MATN3: variants seen among roughly 807,000 people sequenced by gnomAD.
The protein encoded by MATN3 is matrilin-3.
In MATN3, 48 loss-of-function variants were observed where a neutral mutation model predicts 45.3. The ratio of observed to expected loss-of-function variants is 1.06; its 90% CI spans 0.84 to 1.35. The LOEUF (loss-of-function observed/expected upper bound fraction) is 1.35, where lower values mean the gene tolerates loss of function less well. Ranked by LOEUF, MATN3 falls within the 40% of genes most tolerant of loss-of-function variation. MATN3 has a pLI of 0.00. For missense variants in MATN3, 599 were observed against 628.0 expected (o/e 0.95, Z 0.49); for synonymous variants, 217 against 245.9 (o/e 0.88, Z 1.10).
intron 5 of MATN3, chr2:19,997,770 GCA>G (rs10678920): frequency 1.5e-4 from 22 of 149,450 alleles, no homozygotes; most frequent in South Asian, 2.1e-4. Flanking sequence ...GGAGACACAT[GCA>G]CACACACACA....
At chr2:19,994,254 T>G (rs1485404390) in intron 7 of MATN3, 45 bp downstream of exon 7, 1 of 1,273,166 alleles carries the variant, frequency 7.9e-7, no homozygotes, top group African/African-American at 1.5e-5. Flanking sequence ...TCGTAGTACC[T>G]TGGTTGGCTC....
At chr2:20,003,060 G>A in intron 3 of MATN3, 101 bp downstream of exon 3, 2 of 1,412,726 alleles carry the variant, frequency 1.4e-6, no homozygotes, top group Non-Finnish European at 9.7e-7. Context: ...AGGCAGTTAG[G>A]TAAAAAGGGG....
Position 20,004,995 on chromosome 2 carries a change from AG to A in MATN3, c.790+748del, listed in dbSNP as rs531471742. On this transcript the variant is annotated intron_variant, in intron 2 of 7. Coordinates refer to ENST00000407540, the MANE Select transcript of MATN3 (RefSeq NM_002381.5). ...AAACTCCAGCATTGAATGGATCTGT[AG>A]TCCTAGATTTGGTCAATTCATGCTA... 1.6e-4 allele frequency among the ~76,000 whole-genome samples: 24 copies of A among 152,362 alleles called. No homozygotes were observed. The East Asian group carries it at 4.6e-3, about 29-fold the overall frequency.
chr2:20,010,295 CTA>C (rs2103486138), intron 1 of MATN3, among the ~76,000 whole-genome samples: 1 of 152,232 alleles, frequency 6.6e-6, no homozygotes, highest in Non-Finnish European at 1.5e-5. Context: ...AATATCATGG[CTA>C]TGTTCTTATA....
rs1247037129 is a variant in MATN3 at position 20,005,224 on chromosome 2, C to T, written c.790+520G>A. Among the ~76,000 whole-genome samples, 6 of 152,160 alleles carry T rather than the reference C, an allele frequency of 3.9e-5. No individual in the cohort carries two copies. The East Asian group carries it at 1.2e-3, about 29-fold the overall frequency. On this transcript the variant is annotated intron_variant, in intron 2 of 7. Transcript: ENST00000407540. ...CCCAGTCTGAAAACCAGAGCATTCACTAAATGCACACTCGGGCTGACGGTG... is the reference window on the plus strand; with the variant it reads ...CCCAGTCTGAAAACCAGAGCATTCATTAAATGCACACTCGGGCTGACGGTG...
chr2:20,001,950 C>T lies in MATN3; in HGVS notation c.1042+5G>A, dbSNP rs778811287. The T allele has an allele frequency of 3.7e-5, 60 of 1,612,678 alleles. No homozygotes were observed. The highest frequency in any genetic ancestry group is 5.0e-5 in the Non-Finnish European group (59 of 1,179,280). On this transcript the variant is annotated splice_donor_5th_base_variant and intron_variant, in intron 4 of 7. Transcript: ENST00000407540. ...AGCAATAGTAAAGACTCCTCCCTCA[C>T]TTACCTGAACAAGTTTTCCTGTCTT...
chr2:19,993,181 A>G lies in MATN3; in HGVS notation c.1406-15T>C, dbSNP rs1181478456. 1.9e-6 allele frequency: 3 copies of G among 1,587,966 alleles called. No homozygotes were observed. Among genetic ancestry groups the G allele is most frequent in the Non-Finnish European group, 2.6e-6 (3 of 1,157,042 alleles). ...AATGTCATCAAGTGGCAAGTTGTTA[A>G]GGCCAACACCATTTATTTTTACACA... On this transcript the variant is annotated splice_polypyrimidine_tract_variant and intron_variant, in intron 7 of 7. Coordinates refer to ENST00000407540, the MANE Select transcript of MATN3 (RefSeq NM_002381.5).
Position 19,997,249 on chromosome 2 carries a change from C to T in MATN3, c.1179G>A (p.Lys393=). The change falls in exon 6 of 8, where the codon AAG becomes AAA. Residue 393 remains lysine, a synonymous_variant. Coordinates refer to ENST00000407540, the MANE Select transcript of MATN3 (RefSeq NM_002381.5). ...GGCAACCATGAGAGCCTAGGGCACA[C>T]TTGTCACGGACTGACCGCACGTGGT... The part of the protein sequence containing the change: ...ADKKTCSVRD[K]CALGSHGCQH... 1 of 1,612,408 alleles carries T rather than the reference C, an allele frequency of 6.2e-7. No individual in the cohort carries two copies. The highest frequency in any genetic ancestry group is 8.5e-7 in the Non-Finnish European group (1 of 1,179,318).
At chr2:19,998,440 G>T (rs1488432016) in intron 5 of MATN3, among the ~76,000 whole-genome samples, 4 of 152,120 alleles carry the variant, frequency 2.6e-5, no homozygotes, top group Non-Finnish European at 5.9e-5. Flanking sequence ...CAGCTTTATA[G>T]CAGTATTCAC....
intron 4 of MATN3, among the ~76,000 whole-genome samples, chr2:20,000,901 T>C (rs368924412): frequency 2.6e-5 from 4 of 152,306 alleles, no homozygotes; most frequent in African/African-American, 9.6e-5. Flanking sequence ...GTGTGGCTAA[T>C]TACATTAGAT....
At position 20,002,161 on chromosome 2, in the gene MATN3, T is replaced by TACACACACAC. The variant is rs35083474; in HGVS notation, c.917-91_917-82dup. 0.013 allele frequency: 8,397 copies of TACACACACAC among 646,380 alleles called. 107 individuals carry two copies. The highest frequency in any genetic ancestry group is 0.056 in the African/African-American group (2,635 of 46,958). The allele number at this position is 646,380 out of a possible 1,614,324, so 40.0% of individuals were successfully genotyped here. A position where few individuals can be genotyped will look rare whatever the true frequency, so the allele number is the denominator to read the frequency against. Reference sequence around the variant, plus strand: ...TTGTGGGCCACGCCACTTACAGTTATACACACACACACACACACACACACA... The same window carrying TACACACACAC: ...TTGTGGGCCACGCCACTTACAGTTATACACACACACACACACACACACACACACACACACA... On this transcript the variant is annotated intron_variant, in intron 3 of 7. Transcript: ENST00000407540.
intron 1 of MATN3, among the ~76,000 whole-genome samples, chr2:20,011,226 T>A (rs1673213552): frequency 6.6e-6 from 1 of 152,256 alleles, no homozygotes; most frequent in African/African-American, 2.4e-5. Context: ...CACCTGGTGC[T>A]GAATCTCTCC....
At chr2:20,010,066 C>CCAAAAAAAAAAAAAAAAA (rs1558376342) in intron 1 of MATN3, among the ~76,000 whole-genome samples, 1 of 5,564 alleles carries the variant, frequency 1.8e-4, no homozygotes, top group Non-Finnish European at 2.5e-4. Flanking sequence ...TCTTCAAATA[C>CCAAAAAAAAAAAAAAAAA]TAAAAAAAAA....
chr2:20,010,754 G>A (rs1414726514), intron 1 of MATN3, among the ~76,000 whole-genome samples: 1 of 152,120 alleles, frequency 6.6e-6, no homozygotes, highest in African/African-American at 2.4e-5. Flanking sequence ...GTGAGACCAG[G>A]GTCAGACTTC....
rs994488916 is a variant in MATN3 at position 20,003,201 on chromosome 2, G to C, written c.876C>G (p.Ser292Arg). ...TGTCGGCATTCAAGGTGTATCCTTG[G>C]CTACACTCACAGTGGTGCTTGCCTT... ...DGEGKHHCEC[S>R]QGYTLNADKK... The change falls in exon 3 of 8, where the codon AGC (serine) becomes AGG (arginine). Residue 292 changes from serine to arginine, a missense_variant. By Grantham distance (110) the Ser-to-Arg change is moderately radical. Coordinates refer to ENST00000407540, the MANE Select transcript of MATN3 (RefSeq NM_002381.5). The C allele has an allele frequency of 6.2e-7, 1 of 1,613,852 alleles. No homozygotes were observed. Among genetic ancestry groups the C allele is most frequent in the African/African-American group, 1.3e-5 (1 of 74,912 alleles).
At chr2:20,002,748 C>T (rs1240219067) in intron 3 of MATN3, among the ~76,000 whole-genome samples, 5 of 151,698 alleles carry the variant, frequency 3.3e-5, no homozygotes, top group African/African-American at 1.2e-4. Context: ...TACAGGCATG[C>T]ACCACCACAC....
intron 1 of MATN3, among the ~76,000 whole-genome samples, chr2:20,009,565 G>A (rs970689210): frequency 1.3e-5 from 2 of 152,142 alleles, no homozygotes; most frequent in Admixed American, 6.5e-5. Context: ...GTTGATGGGT[G>A]CAGCAAACCA....
chr2:20,005,839 A>G lies in MATN3; in HGVS notation c.695T>C (p.Met232Thr). ...VDRADMASLKMMASEPLEEHV... is the reference protein window; with the variant it reads ...VDRADMASLKTMASEPLEEHV... Reference sequence around the variant, plus strand: ...CTCCTCTAGGGGCTCACTGGCCATCATCTTGAGGGACGCCATGTCTGCCCG... The same window carrying G: ...CTCCTCTAGGGGCTCACTGGCCATCGTCTTGAGGGACGCCATGTCTGCCCG... The change falls in exon 2 of 8, where the codon ATG (methionine) becomes ACG (threonine). Residue 232 changes from methionine (M) to threonine (T), a missense_variant. By Grantham distance (81) the Met-to-Thr change is moderately conservative. Coordinates refer to ENST00000407540, the MANE Select transcript of MATN3 (RefSeq NM_002381.5). 1.9e-6 allele frequency: 3 copies of G among 1,610,798 alleles called. No individual in the cohort carries two copies. Among genetic ancestry groups the G allele is most frequent in the Middle Eastern group, 3.3e-4 (2 of 6,056 alleles).
Position 19,997,273 on chromosome 2 carries a change from G to T in MATN3, c.1169-14C>A. 6.3e-7 allele frequency: 1 copy of T among 1,582,756 alleles called. No individual in the cohort carries two copies. Among genetic ancestry groups the T allele is most frequent in the Non-Finnish European group, 8.6e-7 (1 of 1,168,486 alleles). ...ACTTGTCACGGACTGACCGCACGTG[G>T]TGCAGGAAAGAAAATATTCACACAT... On this transcript the variant is annotated splice_polypyrimidine_tract_variant and intron_variant, in intron 5 of 7. Coordinates refer to ENST00000407540, the MANE Select transcript of MATN3 (RefSeq NM_002381.5).
Sources: allele counts gnomAD v4.1 joint callset (sites outside exome capture counted in the v4.1 genomes callset), GRCh38; gene constraint gnomAD v4.1.1; transcripts MANE v1.5; gene names NCBI Gene and HGNC (gene_info 2026-07-23, HGNC 2026-07-21).